The following AHI1 variants were observed in gnomAD, a reference collection of about 807,000 sequenced individuals.
The protein encoded by AHI1 is jouberin.
Under a neutral mutation model 149.3 loss-of-function variants are expected in AHI1, and 123 were observed. That is an observed-to-expected ratio of 0.82 (90% CI 0.71 to 0.96). The LOEUF (loss-of-function observed/expected upper bound fraction) is 0.96, where lower values mean the gene tolerates loss of function less well. Among genes scored for constraint, AHI1 ranks in the 40% least tolerant of loss-of-function variants. AHI1 has a pLI of 0.00. For missense variants in AHI1, 1,439 were observed against 1,422.7 expected, an observed-to-expected ratio of 1.01 and a Z score of -0.18; for synonymous variants, 475 against 459.8, an observed-to-expected ratio of 1.03 and a Z score of -0.42.
chr6:135,296,973 G>C (rs1783176075), intron 27 of AHI1, among the ~76,000 whole-genome samples: 1 of 152,170 alleles, frequency 6.6e-6, no homozygotes, highest in Non-Finnish European at 1.5e-5. Flanking sequence ...CTGCATTTCA[G>C]TACCTAGTAT....
At chr6:135,297,443 G>A (rs1325674463) in intron 27 of AHI1, 1 of 455,976 alleles carries the variant, frequency 2.2e-6, no homozygotes. Flanking sequence ...TTTATCTAGA[G>A]GCCTTCTCTA....
chr6:135,449,537 T>C (rs1787769886), intron 11 of AHI1, among the ~76,000 whole-genome samples: 1 of 152,188 alleles, frequency 6.6e-6, no homozygotes, highest in South Asian at 2.1e-4. Context: ...TATCTTAAAT[T>C]AGAAGAATAA....
At position 135,297,372 on chromosome 6, in the gene AHI1, T is replaced by C. The variant is rs1160280642; in HGVS notation, c.3485+3128A>G. ...ATAGCCGTATGCTCCTTTAAACTAG[T>C]TCTTTCCCACATCACATCCAAATGC... On this transcript the variant is annotated intron_variant, in intron 27 of 28. Coordinates refer to ENST00000265602, the MANE Select transcript of AHI1 (RefSeq NM_001134831.2). 4 of 455,010 alleles carry C rather than the reference T, an allele frequency of 8.8e-6. No homozygotes were observed. In the East Asian group the frequency reaches 2.8e-4, roughly 32 times the overall value. The allele number at this position is 455,010 out of a possible 1,614,324, so 28.2% of individuals were successfully genotyped here.
At chr6:135,479,719 G>A (rs571795612) in intron 5 of AHI1, among the ~76,000 whole-genome samples, 5 of 152,262 alleles carry the variant, frequency 3.3e-5, no homozygotes, top group South Asian at 2.1e-4. Context: ...ATTGTGTTTC[G>A]AAATGTGAGA....
At chr6:135,408,225 T>C (rs765971643) in intron 21 of AHI1, among the ~76,000 whole-genome samples, 9 of 152,162 alleles carry the variant, frequency 5.9e-5, no homozygotes, top group African/African-American at 1.9e-4. Context: ...CTTGTTTTTA[T>C]AAATCTGTTG....
chr6:135,390,247 A>G (rs963005272), intron 23 of AHI1, among the ~76,000 whole-genome samples: 13 of 152,288 alleles, frequency 8.5e-5, no homozygotes, highest in African/African-American at 2.6e-4. Context: ...ACTACATACC[A>G]TAATTACTGG....
At chr6:135,471,872 C>T (rs919917563) in intron 5 of AHI1, among the ~76,000 whole-genome samples, 7 of 151,278 alleles carry the variant, frequency 4.6e-5, no homozygotes, top group African/African-American at 1.5e-4. Flanking sequence ...ATTAGCCGGG[C>T]GCGGTGGCGG....
At chr6:135,375,936 A>C (rs12211946) in intron 23 of AHI1, among the ~76,000 whole-genome samples, 1,715 of 152,228 alleles carry the variant, frequency 0.011, 14 homozygotes, top group South Asian at 0.017. Context: ...CTCAAAGGCT[A>C]ACTGGTTCAT....
intron 23 of AHI1, among the ~76,000 whole-genome samples, chr6:135,391,160 T>C (rs1201145855): frequency 6.6e-6 from 1 of 152,196 alleles, no homozygotes; most frequent in East Asian, 1.9e-4. Flanking sequence ...TGGATACAAG[T>C]AACCTATTAC....
intron 27 of AHI1, among the ~76,000 whole-genome samples, chr6:135,298,222 T>C (rs1342071538): frequency 1.3e-5 from 2 of 152,060 alleles, no homozygotes; most frequent in African/African-American, 4.8e-5. Flanking sequence ...GAAAATACTT[T>C]TGTTAAATTA....
intron 24 of AHI1, among the ~76,000 whole-genome samples, chr6:135,342,866 C>T (rs553517264): frequency 4.0e-5 from 6 of 151,494 alleles, no homozygotes; most frequent in African/African-American, 1.4e-4. Context: ...GACAGTTTAC[C>T]TTCTAAGATT....
At chr6:135,297,543 T>G in intron 27 of AHI1, 1 of 456,100 alleles carries the variant, frequency 2.2e-6, no homozygotes, top group South Asian at 1.5e-5. Context: ...ATATAATTGG[T>G]TGCCTTCTAA....
At chr6:135,451,856 T>C (rs757911904) in intron 11 of AHI1, among the ~76,000 whole-genome samples, 6 of 151,822 alleles carry the variant, frequency 4.0e-5, no homozygotes, top group Non-Finnish European at 7.4e-5. Context: ...TTTTTTTTAA[T>C]GGCTTTTTTT....
intron 26 of AHI1, among the ~76,000 whole-genome samples, chr6:135,305,506 C>T (rs1252740703): frequency 6.6e-6 from 1 of 152,170 alleles, no homozygotes. Context: ...GAAGTCCTTC[C>T]TACATTCTTA....
intron 22 of AHI1, among the ~76,000 whole-genome samples, chr6:135,396,276 A>T (rs1244628846): frequency 6.6e-6 from 1 of 151,836 alleles, no homozygotes; most frequent in African/African-American, 2.4e-5. Flanking sequence ...ATCAAAACTG[A>T]CCAGTTATAG....
intron 8 of AHI1, among the ~76,000 whole-genome samples, chr6:135,461,529 A>G (rs1434009139): frequency 6.6e-6 from 1 of 152,056 alleles, no homozygotes; most frequent in Non-Finnish European, 1.5e-5. Context: ...TAATTATTAA[A>G]GCAAAAAATA....
At chr6:135,494,892 A>C (rs1795758642) in intron 3 of AHI1, among the ~76,000 whole-genome samples, 1 of 152,312 alleles carries the variant, frequency 6.6e-6, no homozygotes, top group Non-Finnish European at 1.5e-5. Flanking sequence ...GTGGCATCAA[A>C]AGGGGCTGGA....
At chr6:135,285,956 A>C (rs1439975693) in intron 28 of AHI1, among the ~76,000 whole-genome samples, 1 of 152,228 alleles carries the variant, frequency 6.6e-6, no homozygotes, top group Non-Finnish European at 1.5e-5. Context: ...CCAAACCATA[A>C]GTAACTTCCA....
intron 21 of AHI1, among the ~76,000 whole-genome samples, chr6:135,408,667 A>G (rs1053036296): frequency 6.6e-6 from 1 of 152,162 alleles, no homozygotes; most frequent in African/African-American, 2.4e-5. Context: ...TTCCTTGTAT[A>G]GTTTAAAACT....
Sources: gnomAD v4.1 joint callset for allele counts (sites outside exome capture counted in the v4.1 genomes callset) on GRCh38, gnomAD v4.1.1 for gene constraint, MANE v1.5 for transcripts, NCBI Gene and HGNC (gene_info 2026-07-23, HGNC 2026-07-21) for gene names.